Variants in PLCG2 observed in about 807,000 individuals in gnomAD.
The protein encoded by PLCG2 is phospholipase C gamma 2, also known as 1-phosphatidylinositol 4,5-bisphosphate phosphodiesterase gamma-2.
PLCG2 carries 69 observed loss-of-function variants against 175.6 expected under a neutral mutation model. The ratio of observed to expected loss-of-function variants is 0.39; its 90% CI spans 0.32 to 0.48. PLCG2 has a LOEUF of 0.48. Among genes scored for constraint, PLCG2 ranks in the 20% least tolerant of loss-of-function variants. PLCG2 has a pLI of 0.91. For missense variants in PLCG2, 1,798 were observed against 1,650.9 expected, an observed-to-expected ratio of 1.09 and a Z score of -1.54; for synonymous variants, 827 against 624.0, an observed-to-expected ratio of 1.33 and a Z score of -4.85.
At chr16:81,922,368 C>CT (rs1350614464) in intron 21 of PLCG2, among the ~76,000 whole-genome samples, 1 of 152,164 alleles carries the variant, frequency 6.6e-6, no homozygotes, top group Non-Finnish European at 1.5e-5. Flanking sequence ...AATGGGCATA[C>CT]TCATATAACT....
At chr16:81,780,704 A>C (rs146038728) in intron 1 of PLCG2, among the ~76,000 whole-genome samples, 1 of 152,200 alleles carries the variant, frequency 6.6e-6, no homozygotes, top group Non-Finnish European at 1.5e-5. Context: ...GGTAGAGTCA[A>C]TGAAAAGCTG....
intron 17 of PLCG2, among the ~76,000 whole-genome samples, chr16:81,910,152 G>A (rs1369956334): frequency 7.2e-5 from 11 of 152,198 alleles, no homozygotes; most frequent in African/African-American, 2.4e-4. Flanking sequence ...GTGCAGTGGC[G>A]TGATCTCGGC....
At chr16:81,907,036 C>CAA (rs56697259) in intron 15 of PLCG2, among the ~76,000 whole-genome samples, 13 of 96,698 alleles carry the variant, frequency 1.3e-4, no homozygotes, top group South Asian at 3.4e-4. Context: ...GACTCTGTCT[C>CAA]AAAAAAAAAA....
upstream of PLCG2, among the ~76,000 whole-genome samples, chr16:81,775,278 C>G (rs1394418550): frequency 6.6e-6 from 1 of 152,114 alleles, no homozygotes; most frequent in Non-Finnish European, 1.5e-5. Flanking sequence ...CACTGATCTA[C>G]GTTCTGTCTC....
intron 1 of PLCG2, among the ~76,000 whole-genome samples, chr16:81,779,865 G>A (rs867608899): frequency 4.6e-5 from 7 of 152,204 alleles, no homozygotes; most frequent in Non-Finnish European, 8.8e-5. Context: ...GCGGGTGGCG[G>A]GTGGGAGCGA....
At chr16:81,851,899 A>G (rs1906434565) in intron 2 of PLCG2, among the ~76,000 whole-genome samples, 1 of 152,122 alleles carries the variant, frequency 6.6e-6, no homozygotes, top group Non-Finnish European at 1.5e-5. Flanking sequence ...AGTGCATCCC[A>G]TCCCCTCTCC....
chr16:81,802,497 T>C (rs535274797), intron 2 of PLCG2, among the ~76,000 whole-genome samples: 8 of 152,288 alleles, frequency 5.3e-5, no homozygotes, highest in African/African-American at 1.4e-4. Context: ...ATATGTGATA[T>C]TGAATGTGTA....
intron 12 of PLCG2, 67 bp from the exon 13 acceptor site, chr16:81,895,740 C>G (rs908438096): frequency 8.2e-6 from 13 of 1,588,810 alleles, no homozygotes; most frequent in South Asian, 7.8e-5. Context: ...GTGTGTGGGC[C>G]GGGGGCTGAC....
chr16:81,914,941 C>T (rs1243005835), intron 19 of PLCG2, among the ~76,000 whole-genome samples: 2 of 152,106 alleles, frequency 1.3e-5, no homozygotes, highest in African/African-American at 2.4e-5. Context: ...GTTGAACTTC[C>T]CTGGTCTCTA....
At chr16:81,899,762 C>G (rs899610757) in intron 13 of PLCG2, among the ~76,000 whole-genome samples, 1 of 152,202 alleles carries the variant, frequency 6.6e-6, no homozygotes, top group Admixed American at 6.5e-5. Flanking sequence ...GTCAGATACG[C>G]TTGGTTCAGG....
At chr16:81,754,579 A>G (rs1909884419) in intron 1 of PLCG2, among the ~76,000 whole-genome samples, 1 of 148,796 alleles carries the variant, frequency 6.7e-6, no homozygotes, top group Non-Finnish European at 1.5e-5. Context: ...AGCAGTGCAC[A>G]GCACTTCACA....
chr16:81,784,478 C>T (rs1910881739), intron 1 of PLCG2, among the ~76,000 whole-genome samples: 1 of 152,158 alleles, frequency 6.6e-6, no homozygotes, highest in Non-Finnish European at 1.5e-5. Context: ...CACAGACAGC[C>T]CTGGCTGAAC....
At chr16:81,840,894 G>T (rs186016676) in intron 2 of PLCG2, among the ~76,000 whole-genome samples, 1 of 152,212 alleles carries the variant, frequency 6.6e-6, no homozygotes, top group Non-Finnish European at 1.5e-5. Context: ...AGTATCCTCA[G>T]TTCCTTTTTC....
intron 31 of PLCG2, among the ~76,000 whole-genome samples, chr16:81,954,691 A>G (rs145088743): frequency 5.3e-5 from 8 of 152,302 alleles, no homozygotes; most frequent in African/African-American, 1.7e-4. Flanking sequence ...GTGGCTGCAT[A>G]GTATTCCATG....
Position 81,889,219 on chromosome 16 carries a change from G to T in PLCG2, c.813G>T (p.Lys271Asn). ...ACAAAGTCCGTGAGCGGATGACAAA[G>T]TTCATTGATGACACCATGCGTGAAA... ...DLNKVRERMT[K>N]FIDDTMRETA... Residue 271 changes from lysine (K) to asparagine (N), a missense_variant, in exon 10 of 33, where the codon AAG becomes AAT. Transcript: ENST00000564138. The T allele has an allele frequency of 1.2e-6, 2 of 1,607,098 alleles. No homozygotes were observed. Among genetic ancestry groups the T allele is most frequent in the Non-Finnish European group, 1.7e-6 (2 of 1,177,016 alleles).
At chr16:81,899,289 T>TATATATATATATATATATATACACACAC (rs908648451) in intron 13 of PLCG2, among the ~76,000 whole-genome samples, 1 of 92,456 alleles carries the variant, frequency 1.1e-5, no homozygotes, top group African/African-American at 3.8e-5. Context: ...TATATATATA[T>TATATATATATATATATATATACACACAC]ACACACACAC....
chr16:81,860,067 C>A (rs1023627015), intron 5 of PLCG2, among the ~76,000 whole-genome samples: 1 of 151,448 alleles, frequency 6.6e-6, no homozygotes, highest in Non-Finnish European at 1.5e-5. Flanking sequence ...AAGTCCTGGG[C>A]TCAAACGATC....
At chr16:81,909,758 A>T (rs1909535819) in intron 17 of PLCG2, among the ~76,000 whole-genome samples, 1 of 152,192 alleles carries the variant, frequency 6.6e-6, no homozygotes, top group Non-Finnish European at 1.5e-5. Flanking sequence ...TGGACACCTA[A>T]ATGATGCTTA....
intron 2 of PLCG2, among the ~76,000 whole-genome samples, chr16:81,805,793 T>G (rs1372308497): frequency 2.8e-5 from 4 of 144,956 alleles, no homozygotes; most frequent in South Asian, 2.1e-4. Flanking sequence ...GTTTTTTTTT[T>G]TTTTTGCTGT....
Sources: gnomAD v4.1 joint callset for allele counts (sites outside exome capture counted in the v4.1 genomes callset) on GRCh38, gnomAD v4.1.1 for gene constraint, MANE v1.5 for transcripts, NCBI Gene and HGNC (gene_info 2026-07-23, HGNC 2026-07-21) for gene names.